Variants in MBNL3 observed in about 807,000 individuals in gnomAD.
MBNL3 encodes the protein muscleblind like splicing regulator 3.
A neutral mutation model predicts 24.5 loss-of-function variants in MBNL3; 6 were observed. That is an observed-to-expected ratio of 0.25 (90% CI 0.13 to 0.48). The LOEUF is 0.48. MBNL3 is among the 20% of genes least tolerant of loss of function. The pLI, the probability that MBNL3 is intolerant of heterozygous loss-of-function variation, is 0.99. For missense variants in MBNL3, 230 were observed against 293.5 expected (o/e 0.78, Z 1.58); for synonymous variants, 100 against 101.7 (o/e 0.98, Z 0.10).
intron 1 of MBNL3, among the ~76,000 whole-genome samples, chrX:132,464,073 G>C (rs972783346): frequency 3.6e-5 from 4 of 112,485 alleles, no homozygotes; most frequent in Non-Finnish European, 7.5e-5. Context: ...CAGTAGAAAT[G>C]TGAAATAGAT....
At chrX:132,428,589 G>A (rs1470932075) in intron 2 of MBNL3, among the ~76,000 whole-genome samples, 1 of 110,437 alleles carries the variant, frequency 9.1e-6, no homozygotes, top group Non-Finnish European at 1.9e-5. Context: ...AAAAAAAAGA[G>A]TATTTACAGA....
chrX:132,447,414 T>C (rs1433244741), intron 1 of MBNL3, among the ~76,000 whole-genome samples: 1 of 111,906 alleles, frequency 8.9e-6, no homozygotes, highest in Non-Finnish European at 1.9e-5. Context: ...TTTGTTTGTG[T>C]CCTCTCTTAT....
intron 1 of MBNL3, among the ~76,000 whole-genome samples, chrX:132,470,047 T>C (rs1350573995): frequency 8.9e-6 from 1 of 112,178 alleles, no homozygotes; most frequent in African/African-American, 3.2e-5. Context: ...ATTCCATTCC[T>C]TTCTATTCCT....
At chrX:132,435,178 C>A (rs1031234630) in intron 2 of MBNL3, among the ~76,000 whole-genome samples, 1 of 111,483 alleles carries the variant, frequency 9.0e-6, no homozygotes, top group African/African-American at 3.3e-5. Context: ...ACTTCCGCAC[C>A]AACCTATAAT....
chrX:132,472,903 A>G (rs913945996), intron 1 of MBNL3, among the ~76,000 whole-genome samples: 1 of 111,987 alleles, frequency 8.9e-6, no homozygotes, highest in Non-Finnish European at 1.9e-5. Context: ...AATCATCATA[A>G]TATTAAACCA....
At chrX:132,386,877 CAGTCAT>C (rs1936149856) in intron 5 of MBNL3, 66 bp from the exon 6 acceptor site, 1 of 1,123,189 alleles carries the variant, frequency 8.9e-7, no homozygotes, top group African/African-American at 1.8e-5. Flanking sequence ...AAGCAAGCAC[CAGTCAT>C]ATAAGGTATT....
chrX:132,443,175 T>C (rs1017993108), intron 1 of MBNL3, among the ~76,000 whole-genome samples: 3 of 112,207 alleles, frequency 2.7e-5, no homozygotes, highest in Non-Finnish European at 3.8e-5. Context: ...TTGTATTTCA[T>C]TGATGTTTCG....
intron 2 of MBNL3, among the ~76,000 whole-genome samples, chrX:132,408,043 G>A (rs1942094853): frequency 1.1e-5 from 1 of 91,516 alleles, no homozygotes; most frequent in South Asian, 6.3e-4. Context: ...ACAATTGCTC[G>A]GATCTTAAAT....
In MBNL3 at chrX:132,460,507, T is replaced by C. The variant is rs749801023; in HGVS notation, c.-703-20193A>G. On this transcript the variant is annotated intron_variant, in intron 1 of 8. Transcript: ENST00000370853. ...CTCATCTATAAAATGGTGGCAGTAATAGTATCTATCTCCTAGGGTTGTTTT... is the reference window on the plus strand; with the variant it reads ...CTCATCTATAAAATGGTGGCAGTAACAGTATCTATCTCCTAGGGTTGTTTT... 8.1e-5 allele frequency among the ~76,000 whole-genome samples: 9 copies of C among 111,635 alleles called. No individual in the cohort carries two copies. The East Asian group carries it at 2.5e-3, about 31-fold the overall frequency.
At chrX:132,448,318 A>C (rs753236528) in intron 1 of MBNL3, among the ~76,000 whole-genome samples, 2 of 111,662 alleles carry the variant, frequency 1.8e-5, no homozygotes. Flanking sequence ...CCTCATTTTC[A>C]GAATTTGTTA....
intron 6 of MBNL3, among the ~76,000 whole-genome samples, chrX:132,386,085 CT>C (rs1935971298): frequency 9.0e-6 from 1 of 111,480 alleles, no homozygotes; most frequent in Admixed American, 9.5e-5. Flanking sequence ...GTAAAACAGG[CT>C]ATTAAATATA....
intron 2 of MBNL3, among the ~76,000 whole-genome samples, chrX:132,435,527 T>C (rs1361135888): frequency 1.8e-5 from 2 of 111,982 alleles, no homozygotes; most frequent in East Asian, 5.6e-4. Context: ...TTTAAACTAA[T>C]GAAAACTGCT....
In MBNL3 at chrX:132,392,232, G is replaced by A. The variant is rs761205966; in HGVS notation, c.445C>T (p.Pro149Ser). 1 of 1,208,127 alleles carries A rather than the reference G, an allele frequency of 8.3e-7. No homozygotes were observed. Among genetic ancestry groups the A allele is most frequent in the African/African-American group, 1.8e-5 (1 of 56,991 alleles). Residue 149 changes from proline to serine, a missense_variant, in exon 4 of 9, where the codon CCA becomes TCA. Pro to Ser is a moderately conservative substitution (Grantham distance 74). Coordinates refer to ENST00000370853, the MANE Select transcript of MBNL3 (RefSeq NM_001386889.1). ...CCAGGAATCAGAACAGGTGTATTTG[G>A]TACAAGTTCTGCAGGAACGAGGCCC... is the stretch of plus-strand genomic sequence containing the variant. ...GMGLVPAELVPNTPVLIPGNP... is the reference protein window; with the variant it reads ...GMGLVPAELVSNTPVLIPGNP...
intron 1 of MBNL3, among the ~76,000 whole-genome samples, chrX:132,461,099 C>T (rs1225812077): frequency 1.8e-5 from 2 of 111,719 alleles, no homozygotes; most frequent in African/African-American, 3.3e-5. Flanking sequence ...TATGTATTTG[C>T]TCTGAAGCCA....
intron 1 of MBNL3, among the ~76,000 whole-genome samples, chrX:132,480,056 C>T (rs983564484): frequency 9.9e-5 from 11 of 111,249 alleles, no homozygotes; most frequent in African/African-American, 3.6e-4. Context: ...TGGATGTGAA[C>T]CCAGCCTCGA....
At chrX:132,438,603 T>C (rs1203110125) in intron 2 of MBNL3, among the ~76,000 whole-genome samples, 1 of 110,201 alleles carries the variant, frequency 9.1e-6, no homozygotes, top group Non-Finnish European at 1.9e-5. Context: ...ATTTATTGCT[T>C]CTATGTTTTA....
chrX:132,486,270 G>A (rs772294223), intron 1 of MBNL3, among the ~76,000 whole-genome samples: 2 of 111,411 alleles, frequency 1.8e-5, no homozygotes, highest in East Asian at 2.8e-4. Context: ...CCCTCCCCTC[G>A]TCCCTCACAC....
chrX:132,403,749 C>T (rs1431952628), intron 3 of MBNL3, among the ~76,000 whole-genome samples: 1 of 111,359 alleles, frequency 9.0e-6, no homozygotes, highest in Non-Finnish European at 1.9e-5. Flanking sequence ...CTCTGTACCC[C>T]TACTTTACCC....
chrX:132,379,740 G>C, intron 8 of MBNL3, 63 bp from the exon 9 acceptor site: 1 of 914,994 alleles, frequency 1.1e-6, no homozygotes, highest in Non-Finnish European at 1.6e-6. Context: ...ATTGAAGGAA[G>C]AGTCAGGAGA....
Sources: allele counts gnomAD v4.1 joint callset (sites outside exome capture counted in the v4.1 genomes callset), GRCh38; gene constraint gnomAD v4.1.1; transcripts MANE v1.5; gene names NCBI Gene and HGNC (gene_info 2026-07-23, HGNC 2026-07-21).